Variants in CSMD1 observed in about 807,000 individuals in gnomAD.
The protein encoded by CSMD1 is CUB and sushi domain-containing protein 1.
A neutral mutation model predicts 417.5 loss-of-function variants in CSMD1; 213 were observed. The ratio of observed to expected loss-of-function variants is 0.51; its 90% CI spans 0.46 to 0.57. CSMD1 has a LOEUF of 0.57. Among genes scored for constraint, CSMD1 ranks in the 20% least tolerant of loss-of-function variants. The pLI is 0.00. For synonymous variants in CSMD1, 2,862 were observed against 1,736.8 expected (o/e 1.65, Z -16.11); for missense variants, 6,923 against 4,529.7 (o/e 1.53, Z -15.17).
At chr8:3,825,796 G>T (rs369859210) in intron 5 of CSMD1, among the ~76,000 whole-genome samples, 3 of 152,160 alleles carry the variant, frequency 2.0e-5, no homozygotes, top group African/African-American at 7.2e-5. Context: ...GCTTAGTCCA[G>T]ATGATATGGA....
chr8:4,556,927 T>G (rs922241524), intron 2 of CSMD1, among the ~76,000 whole-genome samples: 1 of 152,354 alleles, frequency 6.6e-6, no homozygotes, highest in Non-Finnish European at 1.5e-5. Context: ...CCCCAGCATT[T>G]CAGATAAGTG....
chr8:2,972,915 G>C (rs150365059), intron 57 of CSMD1, among the ~76,000 whole-genome samples: 4 of 152,302 alleles, frequency 2.6e-5, no homozygotes, highest in Admixed American at 6.5e-5. Flanking sequence ...GCATCCGTGT[G>C]ATGGGACCTG....
intron 1 of CSMD1, among the ~76,000 whole-genome samples, chr8:4,916,993 T>C (rs578013804): frequency 6.6e-6 from 1 of 152,322 alleles, no homozygotes; most frequent in Admixed American, 6.5e-5. Context: ...TATTAGCTCA[T>C]TCTTACCTTG....
At chr8:4,891,057 T>A (rs369772717) in intron 1 of CSMD1, among the ~76,000 whole-genome samples, 1 of 152,080 alleles carries the variant, frequency 6.6e-6, no homozygotes, top group African/African-American at 2.4e-5. Context: ...CATGCCCAAA[T>A]TAATAGTTAA....
At chr8:4,001,847 T>A (rs1461250389) in intron 4 of CSMD1, among the ~76,000 whole-genome samples, 1 of 150,150 alleles carries the variant, frequency 6.7e-6, no homozygotes, top group Non-Finnish European at 1.5e-5. Context: ...GAAGGCAAAA[T>A]AGAAAAGTCA....
intron 7 of CSMD1, among the ~76,000 whole-genome samples, chr8:3,686,705 G>T (rs1416373309): frequency 6.6e-6 from 1 of 151,980 alleles, no homozygotes; most frequent in Non-Finnish European, 1.5e-5. Flanking sequence ...CCTTACCCTC[G>T]CCCAAGTCCC....
At chr8:3,870,520 A>C (rs919079674) in intron 5 of CSMD1, among the ~76,000 whole-genome samples, 3 of 152,144 alleles carry the variant, frequency 2.0e-5, no homozygotes, top group African/African-American at 7.2e-5. Context: ...TTACCGTTTG[A>C]GAGCTATGGT....
In CSMD1 at chr8:3,240,676, G is replaced by A. The variant is rs1563174962; in HGVS notation, c.4154-10445C>T. The stretch of plus-strand genomic sequence containing the variant: ...GAGAGGCTGGAATGAAAGGCGCAAA[G>A]GAATAGTAAAGAAAGCAGGTTTGAG... On this transcript the variant is annotated intron_variant, in intron 26 of 69. Transcript: ENST00000635120. Among the ~76,000 whole-genome samples, 4 of 152,076 alleles carry A rather than the reference G, an allele frequency of 2.6e-5. No homozygotes were observed. In the South Asian group the frequency reaches 8.3e-4, roughly 32 times the overall value.
intron 10 of CSMD1, among the ~76,000 whole-genome samples, chr8:3,540,099 T>G (rs1253899156): frequency 6.6e-6 from 1 of 152,230 alleles, no homozygotes; most frequent in African/African-American, 2.4e-5. Flanking sequence ...TGATTCTAGT[T>G]GCTTGTAGAC....
chr8:4,678,686 C>G (rs573943485), intron 1 of CSMD1, among the ~76,000 whole-genome samples: 4 of 152,156 alleles, frequency 2.6e-5, no homozygotes, highest in Non-Finnish European at 2.9e-5. Context: ...AGAAGGCATC[C>G]AAATAAGATA....
chr8:4,455,242 G>T (rs567198734), intron 2 of CSMD1, among the ~76,000 whole-genome samples: 1 of 152,060 alleles, frequency 6.6e-6, no homozygotes, highest in African/African-American at 2.4e-5. Flanking sequence ...ATATTTGTTG[G>T]CCTTTTCCCC....
intron 1 of CSMD1, among the ~76,000 whole-genome samples, chr8:4,695,230 C>G (rs903787243): frequency 4.6e-5 from 7 of 152,140 alleles, no homozygotes; most frequent in African/African-American, 1.7e-4. Flanking sequence ...TGCCTGTCTT[C>G]TGAAGGTTTC....
intron 3 of CSMD1, among the ~76,000 whole-genome samples, chr8:4,281,210 T>C (rs964030021): frequency 2.0e-5 from 3 of 152,122 alleles, no homozygotes; most frequent in African/African-American, 4.8e-5. Context: ...AATATAAAAG[T>C]GGAAAATACT....
At chr8:3,314,674 C>G (rs1219486380) in intron 23 of CSMD1, among the ~76,000 whole-genome samples, 5 of 152,214 alleles carry the variant, frequency 3.3e-5, no homozygotes, top group African/African-American at 4.8e-5. Flanking sequence ...TCCAAACATT[C>G]AGCTGATGAA....
intron 1 of CSMD1, among the ~76,000 whole-genome samples, chr8:4,925,113 A>G (rs538679008): frequency 6.6e-5 from 10 of 151,966 alleles, no homozygotes; most frequent in African/African-American, 1.9e-4. Flanking sequence ...AACTAGCATT[A>G]TAAGTCTTTC....
intron 3 of CSMD1, among the ~76,000 whole-genome samples, chr8:4,096,535 T>C (rs7839158): frequency 0.22 from 34,052 of 152,104 alleles, 4,745 homozygotes; most frequent in African/African-American, 0.39. Context: ...ACTGAGAATG[T>C]TAAATCCTTT....
At chr8:3,822,713 C>T (rs954841825) in intron 5 of CSMD1, among the ~76,000 whole-genome samples, 1 of 152,078 alleles carries the variant, frequency 6.6e-6, no homozygotes, top group African/African-American at 2.4e-5. Flanking sequence ...CAGGTGACAC[C>T]CTAAAGTCCT....
chr8:3,946,044 T>C (rs1052793790), intron 5 of CSMD1, among the ~76,000 whole-genome samples: 1 of 152,176 alleles, frequency 6.6e-6, no homozygotes, highest in Non-Finnish European at 1.5e-5. Flanking sequence ...GGCGCTACTT[T>C]TACCTTTCTT....
chr8:4,444,178 C>G (rs997675815), intron 2 of CSMD1, among the ~76,000 whole-genome samples: 1 of 151,516 alleles, frequency 6.6e-6, no homozygotes, highest in Non-Finnish European at 1.5e-5. Context: ...CCTGTGCCTA[C>G]TAAAAATATA....
Sources: allele counts gnomAD v4.1 joint callset (sites outside exome capture counted in the v4.1 genomes callset), GRCh38; gene constraint gnomAD v4.1.1; transcripts MANE v1.5; gene names NCBI Gene and HGNC (gene_info 2026-07-23, HGNC 2026-07-21).